DOK6: variants seen among roughly 807,000 people sequenced by gnomAD.
DOK6 encodes docking protein 6.
DOK6 carries 22 observed loss-of-function variants against 44.0 expected under a neutral mutation model. That is an observed-to-expected ratio of 0.50 (90% confidence interval 0.36 to 0.71). The LOEUF is 0.71. Ranked by LOEUF, DOK6 falls within the 30% of genes least tolerant of loss-of-function variation. The probability of loss-of-function intolerance (pLI) is 0.00; values close to 1 mark genes in which losing one functional copy is unlikely to be tolerated. For synonymous variants in DOK6, 166 were observed against 145.5 expected, an observed-to-expected ratio of 1.14 and a Z score of -1.01; for missense variants, 340 against 416.4, an observed-to-expected ratio of 0.82 and a Z score of 1.60.
At chr18:69,807,571 A>T (rs1294573909) in intron 7 of DOK6, among the ~76,000 whole-genome samples, 1 of 151,992 alleles carries the variant, frequency 6.6e-6, no homozygotes, top group Admixed American at 6.6e-5. Context: ...TTAAGGACAC[A>T]TATAGACTGA....
At chr18:69,835,382 G>A (rs992334752) in intron 7 of DOK6, among the ~76,000 whole-genome samples, 2 of 151,882 alleles carry the variant, frequency 1.3e-5, no homozygotes, top group African/African-American at 2.4e-5. Flanking sequence ...GGAGAATGGC[G>A]TGAACCCGGG....
At chr18:69,409,979 T>C (rs1978299320) in intron 1 of DOK6, among the ~76,000 whole-genome samples, 1 of 152,168 alleles carries the variant, frequency 6.6e-6, no homozygotes, top group Non-Finnish European at 1.5e-5. Context: ...CTTGCTTTCA[T>C]AGACTTCACC....
chr18:69,613,891 T>C (rs893633868), intron 3 of DOK6, among the ~76,000 whole-genome samples: 2 of 151,358 alleles, frequency 1.3e-5, no homozygotes, highest in Non-Finnish European at 2.9e-5. Flanking sequence ...ACATGAAAAA[T>C]TGTAAAAATG....
intron 4 of DOK6, 34 bp from the exon 5 acceptor site, chr18:69,698,370 C>CAAAAAAAA: frequency 1.3e-6 from 2 of 1,570,398 alleles, no homozygotes. Flanking sequence ...CACCTCTTTT[C>CAAAAAAAA]ACTTAACCTT....
At chr18:69,721,299 T>TA (rs2144723791) in intron 5 of DOK6, 1 of 152,348 alleles carries the variant, frequency 6.6e-6, no homozygotes, top group African/African-American at 2.4e-5. Flanking sequence ...AAGACATGCA[T>TA]AGCCTAAGCT....
intron 1 of DOK6, among the ~76,000 whole-genome samples, chr18:69,544,607 C>T (rs945552830): frequency 5.3e-5 from 8 of 151,502 alleles, no homozygotes; most frequent in South Asian, 4.2e-4. Flanking sequence ...TAGTTGTGCT[C>T]AGGCCACAGT....
intron 2 of DOK6, among the ~76,000 whole-genome samples, chr18:69,592,871 CA>C (rs567403250): frequency 6.6e-6 from 1 of 152,064 alleles, no homozygotes; most frequent in African/African-American, 2.4e-5. Flanking sequence ...GTTACATTGA[CA>C]GGTTTTAGAC....
chr18:69,506,412 A>G (rs1981187252), intron 1 of DOK6, among the ~76,000 whole-genome samples: 1 of 152,104 alleles, frequency 6.6e-6, no homozygotes, highest in Non-Finnish European at 1.5e-5. Flanking sequence ...ATGAACCCAC[A>G]ATTTATCCCT....
chr18:69,589,666 G>A (rs1599208963), intron 2 of DOK6, among the ~76,000 whole-genome samples: 1 of 152,098 alleles, frequency 6.6e-6, no homozygotes, highest in Non-Finnish European at 1.5e-5. Flanking sequence ...CAATTGTAGT[G>A]AGTAAGATCT....
chr18:69,419,230 C>T (rs549891280), intron 1 of DOK6, among the ~76,000 whole-genome samples: 4 of 152,266 alleles, frequency 2.6e-5, no homozygotes, highest in African/African-American at 9.6e-5. Context: ...TATTTTGTAA[C>T]TGCAGTAAAA....
At chr18:69,498,845 G>A (rs189741511) in intron 1 of DOK6, among the ~76,000 whole-genome samples, 55 of 152,294 alleles carry the variant, frequency 3.6e-4, no homozygotes, top group African/African-American at 8.9e-4. Context: ...TTGAATAAAC[G>A]TGTGTTGCCT....
intron 1 of DOK6, among the ~76,000 whole-genome samples, chr18:69,486,195 T>C (rs2144535323): frequency 6.6e-6 from 1 of 152,114 alleles, no homozygotes; most frequent in South Asian, 2.1e-4. Context: ...CATTTCTTGT[T>C]CCTTTATTGA....
At chr18:69,573,652 T>C (rs1983170273) in intron 2 of DOK6, among the ~76,000 whole-genome samples, 1 of 151,768 alleles carries the variant, frequency 6.6e-6, no homozygotes, top group Non-Finnish European at 1.5e-5. Flanking sequence ...TTTTTAAGAG[T>C]GTATGCAAGG....
At chr18:69,557,183 C>T (rs1982707350) in intron 1 of DOK6, among the ~76,000 whole-genome samples, 1 of 152,174 alleles carries the variant, frequency 6.6e-6, no homozygotes, top group Non-Finnish European at 1.5e-5. Context: ...AAGGAACAAA[C>T]TTTCTAACAC....
At chr18:69,523,973 C>A (rs1220993494) in intron 1 of DOK6, among the ~76,000 whole-genome samples, 1 of 151,986 alleles carries the variant, frequency 6.6e-6, no homozygotes, top group Non-Finnish European at 1.5e-5. Context: ...TTTTTATAGT[C>A]TCAAATTTTC....
At chr18:69,772,761 G>A (rs1979926165) in intron 7 of DOK6, among the ~76,000 whole-genome samples, 1 of 151,892 alleles carries the variant, frequency 6.6e-6, no homozygotes, top group Non-Finnish European at 1.5e-5. Flanking sequence ...AGAAGGATAA[G>A]CTTCAGGCAG....
At chr18:69,405,621 T>C (rs1916192055) in intron 1 of DOK6, among the ~76,000 whole-genome samples, 1 of 151,730 alleles carries the variant, frequency 6.6e-6, no homozygotes, top group African/African-American at 2.4e-5. Context: ...TAAAATAAAA[T>C]AAAATAAATA....
intron 7 of DOK6, among the ~76,000 whole-genome samples, chr18:69,759,198 G>A (rs139536988): frequency 1.9e-4 from 29 of 152,134 alleles, no homozygotes; most frequent in Non-Finnish European, 3.5e-4. Flanking sequence ...TTCAAGAATC[G>A]GAAAGAGAAG....
intron 7 of DOK6, among the ~76,000 whole-genome samples, chr18:69,818,338 T>G (rs1981462652): frequency 6.6e-6 from 1 of 152,174 alleles, no homozygotes; most frequent in Non-Finnish European, 1.5e-5. Context: ...GACACCCCTG[T>G]GCACCAGGCA....
Sources: gnomAD v4.1 joint callset for allele counts (sites outside exome capture counted in the v4.1 genomes callset) on GRCh38, gnomAD v4.1.1 for gene constraint, MANE v1.5 for transcripts, NCBI Gene and HGNC (gene_info 2026-07-23, HGNC 2026-07-21) for gene names.